Variants in MDGA2 observed in about 807,000 individuals in gnomAD.
The protein encoded by MDGA2 is MAM domain containing glycosylphosphatidylinositol anchor 2, also known as MAM domain-containing glycosylphosphatidylinositol anchor protein 2.
A neutral mutation model predicts 117.8 loss-of-function variants in MDGA2; 40 were observed. The observed-to-expected ratio is 0.34, with a 90% CI of 0.26 to 0.44. The LOEUF (loss-of-function observed/expected upper bound fraction) is 0.44. MDGA2 is among the 20% of genes least tolerant of loss of function. The pLI is 1.00. For missense variants in MDGA2, 1,123 were observed against 1,250.6 expected (o/e 0.90, Z 1.54); for synonymous variants, 452 against 439.0 (o/e 1.03, Z -0.37).
At chr14:47,364,424 C>T (rs990836843) in intron 1 of MDGA2, among the ~76,000 whole-genome samples, 1 of 152,100 alleles carries the variant, frequency 6.6e-6, no homozygotes, top group Non-Finnish European at 1.5e-5. Context: ...AACACCACGC[C>T]CAGCTAATTT....
At chr14:47,373,052 G>T (rs1437720537) in intron 1 of MDGA2, among the ~76,000 whole-genome samples, 2 of 151,870 alleles carry the variant, frequency 1.3e-5, no homozygotes, top group Admixed American at 1.3e-4. Flanking sequence ...GATACATTTT[G>T]CACTTGTATA....
intron 6 of MDGA2, among the ~76,000 whole-genome samples, chr14:47,087,847 A>G (rs1260700999): frequency 1.3e-5 from 2 of 151,856 alleles, no homozygotes; most frequent in African/African-American, 4.8e-5. Flanking sequence ...GAAACTAATG[A>G]AAGAATTTTA....
chr14:46,980,522 T>C (rs1886630926), intron 8 of MDGA2, among the ~76,000 whole-genome samples: 1 of 152,216 alleles, frequency 6.6e-6, no homozygotes, highest in South Asian at 2.1e-4. Context: ...TTGAGAGGAT[T>C]GACTCCAATT....
At chr14:47,120,611 G>T (rs1168894725) in intron 5 of MDGA2, among the ~76,000 whole-genome samples, 1 of 152,142 alleles carries the variant, frequency 6.6e-6, no homozygotes, top group African/African-American at 2.4e-5. Context: ...CTTTGCAGAA[G>T]CTGGAAATTG....
chr14:47,055,580 T>C (rs1889645302), intron 7 of MDGA2, among the ~76,000 whole-genome samples: 2 of 152,172 alleles, frequency 1.3e-5, no homozygotes, highest in South Asian at 4.1e-4. Context: ...AATGTTTGTA[T>C]AGACAAGTAA....
intron 6 of MDGA2, among the ~76,000 whole-genome samples, chr14:47,070,271 T>C (rs1890233054): frequency 6.6e-6 from 1 of 152,140 alleles, no homozygotes; most frequent in South Asian, 2.1e-4. Context: ...AGATTTATTT[T>C]TTACTATAGG....
chr14:47,429,277 G>GATATATAT (rs35471496), intron 1 of MDGA2, among the ~76,000 whole-genome samples: 1 of 149,442 alleles, frequency 6.7e-6, no homozygotes, highest in African/African-American at 2.5e-5. Flanking sequence ...CAAATATGAA[G>GATATATAT]ATATATATAT....
At chr14:47,178,373 C>G (rs1251611857) in intron 3 of MDGA2, among the ~76,000 whole-genome samples, 1 of 152,140 alleles carries the variant, frequency 6.6e-6, no homozygotes, top group Non-Finnish European at 1.5e-5. Context: ...TGTTTTTTCC[C>G]TATTCATAAT....
In MDGA2 at chr14:46,889,607, G is replaced by T. The variant is rs1242080725; in HGVS notation, c.2239-7386C>A. On this transcript the variant is annotated intron_variant, in intron 10 of 16. Coordinates refer to ENST00000399232, the MANE Select transcript of MDGA2 (RefSeq NM_001113498.3). ...GAACTGTCTTGGCTTTTAGTCACTA[G>T]TTCTATTCAGTCTGCATTTTTCTTA... Among the ~76,000 whole-genome samples, 9 of 152,128 alleles carry T rather than the reference G, an allele frequency of 5.9e-5. No homozygotes were observed. The East Asian group carries it at 1.7e-3, about 29-fold the overall frequency.
intron 9 of MDGA2, among the ~76,000 whole-genome samples, chr14:46,946,375 A>G (rs1047133489): frequency 6.6e-6 from 1 of 152,046 alleles, no homozygotes; most frequent in African/African-American, 2.4e-5. Flanking sequence ...CTCACAAAAC[A>G]ATCTATTAAT....
intron 1 of MDGA2, among the ~76,000 whole-genome samples, chr14:47,510,252 C>T (rs1442501536): frequency 6.6e-6 from 1 of 152,094 alleles, no homozygotes. Flanking sequence ...GAGCCCTCAC[C>T]AGAAACCATA....
intron 2 of MDGA2, among the ~76,000 whole-genome samples, chr14:47,221,135 C>T (rs992498866): frequency 1.8e-4 from 25 of 142,616 alleles, no homozygotes; most frequent in African/African-American, 6.6e-4. Context: ...ACCAAAAGGA[C>T]ATAGAATAAG....
chr14:46,917,771 T>C (rs1883958895), intron 10 of MDGA2, among the ~76,000 whole-genome samples: 2 of 152,078 alleles, frequency 1.3e-5, no homozygotes, highest in Non-Finnish European at 2.9e-5. Context: ...AATTTGGAGA[T>C]GTTCATGTCA....
At chr14:47,656,077 C>T (rs931655483) in intron 1 of MDGA2, among the ~76,000 whole-genome samples, 24 of 152,184 alleles carry the variant, frequency 1.6e-4, no homozygotes, top group African/African-American at 5.8e-4. Flanking sequence ...TGGGAACTTA[C>T]TTAGGCAGAA....
At chr14:47,241,666 C>A (rs1452363245) in intron 2 of MDGA2, among the ~76,000 whole-genome samples, 1 of 151,770 alleles carries the variant, frequency 6.6e-6, no homozygotes, top group Non-Finnish European at 1.5e-5. Context: ...AATGTTGTCC[C>A]AAACACTTTC....
At chr14:47,333,740 AATAAG>A (rs71448193) in intron 1 of MDGA2, among the ~76,000 whole-genome samples, 32,451 of 151,636 alleles carry the variant, frequency 0.21, 3,642 homozygotes, top group Non-Finnish European at 0.23. Context: ...CATTTAATAA[AATAAG>A]ATAATTTCAC....
At chr14:46,874,919 A>G (rs1201664809) in intron 12 of MDGA2, among the ~76,000 whole-genome samples, 1 of 151,496 alleles carries the variant, frequency 6.6e-6, no homozygotes, top group Non-Finnish European at 1.5e-5. Flanking sequence ...GGTAGTAGTA[A>G]TGTTTCTAGG....
chr14:47,135,581 C>T (rs1011568425), intron 4 of MDGA2, among the ~76,000 whole-genome samples: 1 of 151,932 alleles, frequency 6.6e-6, no homozygotes, highest in African/African-American at 2.4e-5. Context: ...TTAAGATAAT[C>T]TATGCTGCAT....
chr14:47,351,078 A>ATTTT (rs36042383), intron 1 of MDGA2, among the ~76,000 whole-genome samples: 5 of 127,948 alleles, frequency 3.9e-5, no homozygotes, highest in African/African-American at 1.4e-4. Context: ...GGCCCGGCTA[A>ATTTT]TTTTTTTTTT....
Sources: allele counts gnomAD v4.1 joint callset (sites outside exome capture counted in the v4.1 genomes callset), GRCh38; gene constraint gnomAD v4.1.1; transcripts MANE v1.5; gene names NCBI Gene and HGNC (gene_info 2026-07-23, HGNC 2026-07-21).